The following TANK variants were observed in gnomAD, a reference collection of about 807,000 sequenced individuals.
TANK encodes the protein TRAF family member-associated NF-kappa-B activator.
Under a neutral mutation model 43.6 loss-of-function variants are expected in TANK, and 15 were observed. That is an observed-to-expected ratio of 0.34 (90% confidence interval 0.23 to 0.53). The LOEUF (loss-of-function observed/expected upper bound fraction) is 0.53, where lower values mean the gene tolerates loss of function less well. TANK is among the 20% of genes least tolerant of loss of function. The pLI is 0.94. For synonymous variants in TANK, 162 were observed against 178.2 expected (o/e 0.91, Z 0.73); for missense variants, 417 against 498.6 (o/e 0.84, Z 1.56).
In TANK at chr2:161,206,703, G is replaced by A. The variant is rs916588352; in HGVS notation, c.327+1910G>A. On this transcript the variant is annotated intron_variant, in intron 4 of 7. Transcript: ENST00000392749. ...AATATACTAGGTTTATTTTGCAAAA[G>A]AGGAAATTGAGAAACAATGATTCTG... 6.6e-5 allele frequency among the ~76,000 whole-genome samples: 10 copies of A among 152,060 alleles called. No homozygotes were observed. The East Asian group carries it at 1.7e-3, about 26-fold the overall frequency.
At chr2:161,204,974 G>A in intron 4 of TANK, 181 bp downstream of exon 4, 1 of 1,375,300 alleles carries the variant, frequency 7.3e-7, no homozygotes, top group South Asian at 1.6e-5. Context: ...CTGAGGTTTT[G>A]TATTTCCTAC....
upstream of TANK, chr2:161,156,396 CCTT>C: frequency 1.0e-6 from 1 of 979,950 alleles, no homozygotes; most frequent in Non-Finnish European, 1.2e-6. Flanking sequence ...CTAGTTCCCT[CCTT>C]ATCTTAGTCT....
intron 1 of TANK, among the ~76,000 whole-genome samples, chr2:161,167,178 A>G (rs1684721529): frequency 6.6e-6 from 1 of 152,258 alleles, no homozygotes; most frequent in Non-Finnish European, 1.5e-5. Flanking sequence ...AGACCTTACT[A>G]AAGAATGACT....
intron 4 of TANK, among the ~76,000 whole-genome samples, chr2:161,217,077 G>T (rs1164455925): frequency 6.6e-6 from 1 of 152,152 alleles, no homozygotes; most frequent in Non-Finnish European, 1.5e-5. Flanking sequence ...TACATGTTTG[G>T]AGTTTTTTTG....
intron 4 of TANK, among the ~76,000 whole-genome samples, chr2:161,214,155 T>C (rs961591240): frequency 1.3e-5 from 2 of 152,200 alleles, no homozygotes; most frequent in Admixed American, 6.5e-5. Context: ...ACTTGAAAGC[T>C]CAAATTTTAT....
intron 7 of TANK, among the ~76,000 whole-genome samples, chr2:161,234,166 T>A (rs1688059998): frequency 6.6e-6 from 1 of 152,248 alleles, no homozygotes; most frequent in Admixed American, 6.5e-5. Flanking sequence ...AAGACAGTGA[T>A]GTCGTGAAAT....
At position 161,201,011 on chromosome 2, in the gene TANK, TGAG is replaced by T; in HGVS notation, c.100-2472_100-2470del. 3 of 696,450 alleles carry T rather than the reference TGAG, an allele frequency of 4.3e-6. No homozygotes were observed. In the South Asian group the frequency reaches 1.9e-4, roughly 45 times the overall value. 43.1% of individuals were successfully genotyped at this position (696,450 alleles called of 1,614,324 possible). On this transcript the variant is annotated intron_variant, in intron 2 of 7. Transcript: ENST00000392749. ...ATCAGGAGGAAATACTCTCTACCCT[TGAG>T]GAGTTCAGTCTAGAGGGAAATCAGA...
intron 1 of TANK, among the ~76,000 whole-genome samples, chr2:161,151,464 T>C (rs1397616221): frequency 1.3e-5 from 2 of 152,192 alleles, no homozygotes; most frequent in African/African-American, 4.8e-5. Flanking sequence ...TTGATGGATA[T>C]ATGTGTATAA....
At chr2:161,151,406 C>A (rs997471560) in intron 1 of TANK, among the ~76,000 whole-genome samples, 5 of 151,586 alleles carry the variant, frequency 3.3e-5, no homozygotes, top group Admixed American at 6.6e-5. Flanking sequence ...TCTATTTTTC[C>A]CTTCAAGTCT....
At chr2:161,179,796 C>A in intron 2 of TANK, 35 bp downstream of exon 2, 5 of 1,582,388 alleles carry the variant, frequency 3.2e-6, no homozygotes, top group South Asian at 1.2e-5. Flanking sequence ...TATTCTTTAT[C>A]TTGGTACATG....
At chr2:161,154,654 T>A (rs755648835) in intron 1 of TANK, among the ~76,000 whole-genome samples, 1 of 152,204 alleles carries the variant, frequency 6.6e-6, no homozygotes, top group Non-Finnish European at 1.5e-5. Context: ...GGGTGACTGA[T>A]TGAATGTTGG....
intron 3 of TANK, among the ~76,000 whole-genome samples, chr2:161,204,330 A>G (rs1228773590): frequency 2.0e-5 from 3 of 152,186 alleles, no homozygotes; most frequent in Non-Finnish European, 2.9e-5. Context: ...TGGAGTCATA[A>G]TACAAATAAT....
rs1688144537 is a variant in TANK at position 161,235,719 on chromosome 2, AAAG to A, written c.*207_*209del. The A allele has an allele frequency of 2.4e-6, 1 of 422,382 alleles. No individual in the cohort carries two copies. The highest frequency in any genetic ancestry group is 5.5e-5 in the South Asian group (1 of 18,032). 26.2% of individuals were successfully genotyped at this position (422,382 alleles called of 1,614,324 possible). ...GTTCTTTCAAGGAGAAATAAGCCTA[AAAG>A]AAGAAAAACAAAAAAAATTCTGTAT... On this transcript the variant is annotated 3_prime_UTR_variant, in exon 8 of 8. Coordinates refer to ENST00000392749, the MANE Select transcript of TANK (RefSeq NM_001199135.3).
At chr2:161,200,334 T>C in intron 2 of TANK, 17 of 984,336 alleles carry the variant, frequency 1.7e-5, no homozygotes, top group Non-Finnish European at 2.1e-5. Context: ...TGTGCAACAA[T>C]AATCTGACCT....
intron 1 of TANK, among the ~76,000 whole-genome samples, chr2:161,169,591 A>G (rs1684852474): frequency 3.3e-5 from 5 of 152,220 alleles, no homozygotes; most frequent in Admixed American, 3.3e-4. Flanking sequence ...GATAAATACA[A>G]AAAAGAATTA....
chr2:161,219,013 A>G (rs1687234894), intron 4 of TANK, among the ~76,000 whole-genome samples: 1 of 152,194 alleles, frequency 6.6e-6, no homozygotes, highest in Non-Finnish European at 1.5e-5. Flanking sequence ...GAAGTTATGC[A>G]GTTTCTATTT....
upstream of TANK, chr2:161,160,127 T>C (rs150748629): frequency 1.1e-4 from 37 of 324,180 alleles, no homozygotes; most frequent in African/African-American, 7.2e-4. Context: ...TGGTTATTTA[T>C]TTACCGGTTA....
chr2:161,201,173 G>GA (rs1686394401), intron 2 of TANK: 1 of 985,200 alleles, frequency 1.0e-6, no homozygotes, highest in South Asian at 4.7e-5. Flanking sequence ...AATTATTGTA[G>GA]ACTTTGCTCG....
chr2:161,208,376 G>A lies in TANK; in HGVS notation c.327+3583G>A, dbSNP rs889087640. On this transcript the variant is annotated intron_variant, in intron 4 of 7. Coordinates refer to ENST00000392749, the MANE Select transcript of TANK (RefSeq NM_001199135.3). ...AGGGACAGAAAGAGGTAAAGACAAA[G>A]CCTCTATCATTAGATGACCCTTAGT... 3.9e-4 allele frequency among the ~76,000 whole-genome samples: 60 copies of A among 152,240 alleles called. 1 individual carries two copies. The highest frequency in any genetic ancestry group is 3.2e-3 in the Admixed American group (49 of 15,296).
Sources: allele counts gnomAD v4.1 joint callset (sites outside exome capture counted in the v4.1 genomes callset), GRCh38; gene constraint gnomAD v4.1.1; transcripts MANE v1.5; gene names NCBI Gene and HGNC (gene_info 2026-07-23, HGNC 2026-07-21).